CD99: variants seen among roughly 807,000 people sequenced by gnomAD.
The protein encoded by CD99 is CD99 molecule (Xg blood group).
A neutral mutation model predicts 28.4 loss-of-function variants in CD99; 19 were observed. The observed-to-expected ratio is 0.67, with a 90% confidence interval of 0.47 to 0.98. CD99 has a LOEUF of 0.98. Among genes scored for constraint, CD99 ranks in the 50% least tolerant of loss-of-function variants. CD99 has a pLI of 0.00. For synonymous variants in CD99, 103 were observed against 92.1 expected, an observed-to-expected ratio of 1.12 and a Z score of -0.67; for missense variants, 283 against 248.8, an observed-to-expected ratio of 1.14 and a Z score of -0.92.
chrX:2,722,638 G>A lies in CD99; in HGVS notation c.274G>A (p.Asp92Asn). Residue 92 changes from aspartate to asparagine, a missense_variant, in exon 6 of 10, where the codon GAT becomes AAT. Physicochemically the swap from Asp to Asn is conservative, Grantham distance 23. Coordinates refer to ENST00000381192, the MANE Select transcript of CD99 (RefSeq NM_002414.5). ...NHPSSSGSFS[D>N]ADLADGVSGG... ...ATTTTCTTTCCTAGGTAGCTTTTCA[G>A]ATGCTGACCTTGCGGATGGCGTTTC... The A allele has an allele frequency of 2.5e-6, 4 of 1,613,972 alleles. No individual in the cohort carries two copies. The highest frequency in any genetic ancestry group is 3.4e-6 in the Non-Finnish European group (4 of 1,179,860).
chrX:2,703,265 C>T (rs781114964), intron 1 of CD99, among the ~76,000 whole-genome samples: 46 of 152,248 alleles, frequency 3.0e-4, no homozygotes, highest in Non-Finnish European at 2.8e-4. Context: ...ATCCCCAAGT[C>T]GGTGCTGACA....
At chrX:2,712,868 TACAC>T (rs1430147275) in intron 1 of CD99, among the ~76,000 whole-genome samples, 1 of 151,922 alleles carries the variant, frequency 6.6e-6, no homozygotes, top group Non-Finnish European at 1.5e-5. Flanking sequence ...CACCTACCCA[TACAC>T]ACACGTGCAC....
intron 8 of CD99, among the ~76,000 whole-genome samples, chrX:2,728,200 C>CTTTTTTTT (rs892410632): frequency 1.3e-4 from 14 of 106,974 alleles, no homozygotes; most frequent in African/African-American, 4.7e-4. Flanking sequence ...TTGGTTGTTT[C>CTTTTTTTT]TTTTTTTTTT....
chrX:2,697,668 G>A (rs2047639855), intron 1 of CD99, among the ~76,000 whole-genome samples: 1 of 152,114 alleles, frequency 6.6e-6, no homozygotes, highest in African/African-American at 2.4e-5. Context: ...GTCTTTTAGG[G>A]CCAATGGACT....
chrX:2,693,158 T>C (rs2109561), intron 1 of CD99, among the ~76,000 whole-genome samples: 42,335 of 151,526 alleles, frequency 0.28, 6,081 homozygotes, highest in South Asian at 0.31. Context: ...TGGTTTTTTT[T>C]TTTTGGACGG....
chrX:2,709,051 G>T (rs2048254671), intron 1 of CD99, among the ~76,000 whole-genome samples: 2 of 152,192 alleles, frequency 1.3e-5, no homozygotes, highest in Non-Finnish European at 2.9e-5. Flanking sequence ...CAGCTCAGTG[G>T]CTATGACCAG....
chrX:2,721,067 C>T (rs28631959), intron 5 of CD99, among the ~76,000 whole-genome samples: 3,353 of 151,954 alleles, frequency 0.022, 126 homozygotes, highest in African/African-American at 0.076. Context: ...TTAAATCTTT[C>T]TGCCCTTAAA....
At chrX:2,714,804 G>A (rs1019185368) in intron 2 of CD99, 37 of 226,246 alleles carry the variant, frequency 1.6e-4, no homozygotes, top group Middle Eastern at 1.5e-3. Flanking sequence ...AAAACACACA[G>A]TATTTGCAAA....
rs1234358575 is a variant in CD99, at chrX:2,736,512, G to T, written c.476-1688G>T. ...AGAAGCGACACCGACAACATTTGGG[G>T]ACTTGACCCTGTTTGCATTGCGGCA... On this transcript the variant is annotated intron_variant, in intron 8 of 9. Transcript: ENST00000381192. 2.0e-5 allele frequency among the ~76,000 whole-genome samples: 3 copies of T among 152,152 alleles called. No individual in the cohort carries two copies. The South Asian group carries it at 6.3e-4, about 32-fold the overall frequency.
At chrX:2,700,206 A>AG (rs2047779079) in intron 1 of CD99, among the ~76,000 whole-genome samples, 1 of 152,162 alleles carries the variant, frequency 6.6e-6, no homozygotes, top group Admixed American at 6.6e-5. Flanking sequence ...TGTGACTTGA[A>AG]GGGGAGGAGA....
intron 4 of CD99, 36 bp downstream of exon 4, chrX:2,719,741 C>T (rs1211019807): frequency 2.5e-6 from 4 of 1,586,644 alleles, no homozygotes; most frequent in South Asian, 2.2e-5. Context: ...TGCTGCTGAT[C>T]TGCTTATTAT....
At chrX:2,698,582 T>G (rs971863453) in intron 1 of CD99, among the ~76,000 whole-genome samples, 3 of 152,076 alleles carry the variant, frequency 2.0e-5, no homozygotes, top group African/African-American at 7.2e-5. Flanking sequence ...CCTGCCCACC[T>G]TAGCCTTCTG....
At chrX:2,726,188 A>G in intron 7 of CD99, 72 bp from the exon 8 acceptor site, 1 of 887,184 alleles carries the variant, frequency 1.1e-6, no homozygotes, top group Non-Finnish European at 1.9e-6. Context: ...TGTCTCTGCC[A>G]GCCACTGCCC....
chrX:2,707,644 G>A (rs1319748691), intron 1 of CD99, among the ~76,000 whole-genome samples: 1 of 152,192 alleles, frequency 6.6e-6, no homozygotes, highest in Non-Finnish European at 1.5e-5. Flanking sequence ...AACATCTGGA[G>A]CTTTGAGAGG....
rs145395558 is a variant in CD99 at position 2,704,936 on chromosome X, A to C, written c.68-9486A>C. On this transcript the variant is annotated intron_variant, in intron 1 of 9. Coordinates refer to ENST00000381192, the MANE Select transcript of CD99 (RefSeq NM_002414.5). ...CATCATGTTGCCCAGGCTGCTGTTG[A>C]ACTCCTGGGCTCAAGCAATCCTCCC... 6.6e-3 allele frequency among the ~76,000 whole-genome samples: 1,000 copies of C among 151,826 alleles called. 11 individuals carry two copies. The highest frequency in any genetic ancestry group is 0.022 in the African/African-American group (922 of 41,332).
chrX:2,715,345 G>A (rs1459158741), intron 2 of CD99: 1 of 152,234 alleles, frequency 6.6e-6, no homozygotes, highest in Non-Finnish European at 1.5e-5. Context: ...TGAGATCAAG[G>A]TGTAGACAGA....
At chrX:2,737,624 A>G (rs373670852) in intron 8 of CD99, among the ~76,000 whole-genome samples, 55 of 151,366 alleles carry the variant, frequency 3.6e-4, no homozygotes, top group African/African-American at 1.3e-3. Context: ...CCTCCCGAGT[A>G]GCTGGGAGTA....
At chrX:2,719,623 C>T in intron 3 of CD99, 38 bp from the exon 4 acceptor site, 1 of 1,590,796 alleles carries the variant, frequency 6.3e-7, no homozygotes, top group Non-Finnish European at 8.6e-7. Flanking sequence ...TCGTTTCTCT[C>T]TGGAATTTGG....
chrX:2,738,347 A>G (rs1391301582), intron 9 of CD99, 91 bp downstream of exon 9: 9 of 1,270,696 alleles, frequency 7.1e-6, no homozygotes, highest in South Asian at 2.4e-5. Flanking sequence ...TCCTGCTCAC[A>G]TTCTCAAATT....
Sources: allele counts gnomAD v4.1 joint callset (sites outside exome capture counted in the v4.1 genomes callset), GRCh38; gene constraint gnomAD v4.1.1; transcripts MANE v1.5; gene names NCBI Gene and HGNC (gene_info 2026-07-23, HGNC 2026-07-21).